Variants in CDH12 observed in about 807,000 individuals in gnomAD.
CDH12 encodes cadherin 12.
In CDH12, 41 loss-of-function variants were observed where a neutral mutation model predicts 74.1. The ratio of observed to expected loss-of-function variants is 0.55; its 90% confidence interval spans 0.43 to 0.72. CDH12 has a LOEUF of 0.72. CDH12 is among the 30% of genes least tolerant of loss of function. The pLI is 0.00. For synonymous variants in CDH12, 399 were observed against 355.0 expected (o/e 1.12, Z -1.39); for missense variants, 945 against 977.2 (o/e 0.97, Z 0.44).
intron 3 of CDH12, among the ~76,000 whole-genome samples, chr5:22,390,906 C>T (rs989616244): frequency 1.3e-5 from 2 of 152,060 alleles, no homozygotes; most frequent in Non-Finnish European, 2.9e-5. Flanking sequence ...AAAATCCTTG[C>T]TCAGATGTTA....
At chr5:21,822,695 A>G (rs1748440483) in intron 8 of CDH12, among the ~76,000 whole-genome samples, 1 of 152,096 alleles carries the variant, frequency 6.6e-6, no homozygotes, top group African/African-American at 2.4e-5. Context: ...TTTAAGTGTC[A>G]AGTATTTGGC....
intron 10 of CDH12, among the ~76,000 whole-genome samples, chr5:21,797,699 C>G (rs1349176712): frequency 2.0e-5 from 3 of 152,116 alleles, no homozygotes; most frequent in Non-Finnish European, 4.4e-5. Context: ...AACACACTTA[C>G]AGCAGGAGAA....
intron 1 of CDH12, among the ~76,000 whole-genome samples, chr5:22,635,024 G>T (rs1216547772): frequency 8.6e-5 from 13 of 151,614 alleles, no homozygotes; most frequent in Admixed American, 7.9e-4. Context: ...ATAATGCAAG[G>T]AACTTAGAAT....
rs1295344618 is a variant in CDH12, at chr5:22,697,586, A to AT, written c.-523+155471_-523+155472insA. 4.2e-3 allele frequency among the ~76,000 whole-genome samples: 634 copies of AT among 151,460 alleles called. 8 individuals are homozygous for AT. Among genetic ancestry groups the AT allele is most frequent in the Non-Finnish European group, 4.1e-3 (278 of 67,864 alleles). ...GACTCTGTCTCAAAAAAAAAAAAAA[A>AT]AAAGAAAGAAAACATATGTATATTC... On this transcript the variant is annotated intron_variant, in intron 1 of 14. Coordinates refer to ENST00000382254, the MANE Select transcript of CDH12 (RefSeq NM_004061.5).
At chr5:22,771,046 CAG>C (rs1476923326) in intron 1 of CDH12, among the ~76,000 whole-genome samples, 1 of 151,998 alleles carries the variant, frequency 6.6e-6, no homozygotes, top group Non-Finnish European at 1.5e-5. Flanking sequence ...CAATTTAATT[CAG>C]ACTCATACAT....
chr5:22,146,386 G>C (rs926319573), intron 4 of CDH12, among the ~76,000 whole-genome samples: 5 of 151,720 alleles, frequency 3.3e-5, no homozygotes, highest in African/African-American at 1.2e-4. Flanking sequence ...GTATCAATCA[G>C]GATTAAATTT....
At chr5:22,306,496 T>G (rs1440403548) in intron 3 of CDH12, among the ~76,000 whole-genome samples, 1 of 151,546 alleles carries the variant, frequency 6.6e-6, no homozygotes, top group African/African-American at 2.4e-5. Flanking sequence ...AACAACCCAC[T>G]TGCTAAAAAG....
chr5:22,668,453 G>T (rs1016328357), intron 1 of CDH12, among the ~76,000 whole-genome samples: 3 of 152,080 alleles, frequency 2.0e-5, no homozygotes, highest in Admixed American at 6.6e-5. Flanking sequence ...ATAAAGAAAA[G>T]GAATTTATTT....
chr5:21,850,431 A>G (rs1194569338), intron 7 of CDH12, among the ~76,000 whole-genome samples: 1 of 151,528 alleles, frequency 6.6e-6, no homozygotes. Context: ...CATGTTATAT[A>G]TGTGATATAC....
chr5:22,121,753 T>G (rs961480110), intron 4 of CDH12, among the ~76,000 whole-genome samples: 2 of 152,148 alleles, frequency 1.3e-5, no homozygotes, highest in African/African-American at 4.8e-5. Context: ...CTCATGTCTT[T>G]AGTATATAGC....
chr5:21,915,239 C>G (rs1427123571), intron 6 of CDH12, among the ~76,000 whole-genome samples: 1 of 152,010 alleles, frequency 6.6e-6, no homozygotes, highest in African/African-American at 2.4e-5. Context: ...TAGGGGCTGG[C>G]ATCAAAGGTT....
intron 1 of CDH12, among the ~76,000 whole-genome samples, chr5:22,601,074 T>G (rs1350069964): frequency 6.6e-6 from 1 of 152,164 alleles, no homozygotes; most frequent in Non-Finnish European, 1.5e-5. Flanking sequence ...GGGCAGATAT[T>G]GTTAAGTGAT....
intron 3 of CDH12, among the ~76,000 whole-genome samples, chr5:22,372,534 G>C (rs1186275672): frequency 6.6e-6 from 1 of 152,132 alleles, no homozygotes; most frequent in African/African-American, 2.4e-5. Flanking sequence ...GAGTCACCAG[G>C]CTTCCAAGCC....
intron 4 of CDH12, among the ~76,000 whole-genome samples, chr5:22,101,341 A>ATG (rs1180173061): frequency 6.6e-6 from 1 of 152,150 alleles, no homozygotes; most frequent in East Asian, 1.9e-4. Context: ...TATGTATTGT[A>ATG]TATTTATATG....
At chr5:22,189,345 T>C (rs543243227) in intron 4 of CDH12, among the ~76,000 whole-genome samples, 1 of 152,284 alleles carries the variant, frequency 6.6e-6, no homozygotes, top group East Asian at 1.9e-4. Flanking sequence ...ATAATGATTA[T>C]ATACCAACAT....
At chr5:22,153,903 T>TTCACAC (rs1747812699) in intron 4 of CDH12, among the ~76,000 whole-genome samples, 1 of 111,146 alleles carries the variant, frequency 9.0e-6, no homozygotes, top group African/African-American at 3.5e-5. Flanking sequence ...TATATATATA[T>TTCACAC]ACACACACAT....
intron 1 of CDH12, among the ~76,000 whole-genome samples, chr5:22,510,438 G>A (rs1374539789): frequency 2.0e-5 from 3 of 152,026 alleles, no homozygotes; most frequent in Non-Finnish European, 2.9e-5. Context: ...ATGTACGAAC[G>A]TTTCACTTAA....
intron 1 of CDH12, among the ~76,000 whole-genome samples, chr5:22,826,823 G>C (rs987074644): frequency 6.6e-6 from 1 of 152,110 alleles, no homozygotes; most frequent in African/African-American, 2.4e-5. Flanking sequence ...AGGTGATTTG[G>C]GAGCTGTTAA....
At chr5:22,641,103 G>T (rs1055342786) in intron 1 of CDH12, among the ~76,000 whole-genome samples, 3 of 152,130 alleles carry the variant, frequency 2.0e-5, no homozygotes, top group Non-Finnish European at 4.4e-5. Flanking sequence ...CACATGAGAG[G>T]ATATTTAGGG....
Sources: allele counts gnomAD v4.1 joint callset (sites outside exome capture counted in the v4.1 genomes callset), GRCh38; gene constraint gnomAD v4.1.1; transcripts MANE v1.5; gene names NCBI Gene and HGNC (gene_info 2026-07-23, HGNC 2026-07-21).